Variants in INPP4B observed in about 807,000 individuals in gnomAD.
INPP4B encodes inositol polyphosphate-4-phosphatase type II B, also known as inositol polyphosphate 4-phosphatase type II.
Under a neutral mutation model 122.5 loss-of-function variants are expected in INPP4B, and 55 were observed. The observed-to-expected ratio is 0.45, with a 90% CI of 0.36 to 0.56. The LOEUF (loss-of-function observed/expected upper bound fraction) is 0.56. Among genes scored for constraint, INPP4B ranks in the 20% least tolerant of loss-of-function variants. The pLI is 0.00. For missense variants in INPP4B, 1,000 were observed against 1,097.7 expected, an observed-to-expected ratio of 0.91 and a Z score of 1.26; for synonymous variants, 403 against 388.7, an observed-to-expected ratio of 1.04 and a Z score of -0.43.
intron 25 of INPP4B, among the ~76,000 whole-genome samples, chr4:142,053,683 C>A (rs759637005): frequency 2.0e-5 from 3 of 152,008 alleles, no homozygotes; most frequent in Non-Finnish European, 4.4e-5. Context: ...TCCAAGAAAC[C>A]ATGAATGATA....
intron 9 of INPP4B, among the ~76,000 whole-genome samples, chr4:142,278,120 A>G (rs1749492448): frequency 6.6e-6 from 1 of 151,956 alleles, no homozygotes; most frequent in Non-Finnish European, 1.5e-5. Flanking sequence ...TGCAGGTAAC[A>G]TGGAGTATGC....
At chr4:142,214,951 G>A (rs1005927195) in intron 12 of INPP4B, among the ~76,000 whole-genome samples, 52 of 152,110 alleles carry the variant, frequency 3.4e-4, no homozygotes, top group African/African-American at 1.2e-3. Flanking sequence ...ATTTGTCATC[G>A]TACCACAATA....
intron 5 of INPP4B, among the ~76,000 whole-genome samples, chr4:142,415,161 G>T (rs773214515): frequency 2.6e-5 from 4 of 152,122 alleles, no homozygotes; most frequent in Non-Finnish European, 5.9e-5. Context: ...TCCAGTACAA[G>T]CATATGGCCC....
intron 3 of INPP4B, among the ~76,000 whole-genome samples, chr4:142,442,571 T>C (rs1242371697): frequency 2.0e-5 from 3 of 152,148 alleles, no homozygotes; most frequent in Non-Finnish European, 4.4e-5. Flanking sequence ...GGTACCAGTT[T>C]CCATTTAGGA....
intron 12 of INPP4B, among the ~76,000 whole-genome samples, chr4:142,220,296 A>C (rs763304358): frequency 6.6e-6 from 1 of 152,334 alleles, no homozygotes; most frequent in Non-Finnish European, 1.5e-5. Context: ...TGTAACTTTC[A>C]TATGGCTCAA....
intron 25 of INPP4B, among the ~76,000 whole-genome samples, chr4:142,043,243 A>G (rs1257043748): frequency 6.6e-6 from 1 of 152,188 alleles, no homozygotes. Flanking sequence ...GAAATGATGC[A>G]AATCATAGGA....
intron 25 of INPP4B, 78 bp downstream of exon 25, chr4:142,081,953 A>G (rs1195819570): frequency 9.7e-7 from 1 of 1,031,656 alleles, no homozygotes; most frequent in African/African-American, 1.6e-5. Context: ...CTCCAATAAA[A>G]TATGTATTTT....
At chr4:142,647,638 A>G (rs1050793471) in intron 2 of INPP4B, among the ~76,000 whole-genome samples, 4 of 152,158 alleles carry the variant, frequency 2.6e-5, no homozygotes, top group African/African-American at 7.2e-5. Flanking sequence ...ATACCTAGCT[A>G]GAGAGAGGGA....
chr4:142,665,480 C>T (rs76438343), intron 2 of INPP4B, among the ~76,000 whole-genome samples: 3,516 of 119,388 alleles, frequency 0.029, 50 homozygotes, highest in Middle Eastern at 0.14. Flanking sequence ...GGTGACAGAG[C>T]GAGACTCTGT....
At chr4:142,752,292 C>T (rs1171070704) in intron 1 of INPP4B, among the ~76,000 whole-genome samples, 3 of 152,046 alleles carry the variant, frequency 2.0e-5, no homozygotes, top group Admixed American at 6.6e-5. Context: ...GGATGTGGGC[C>T]TAGGAAATAA....
intron 5 of INPP4B, among the ~76,000 whole-genome samples, chr4:142,412,169 G>T (rs1008357120): frequency 6.6e-6 from 1 of 151,972 alleles, no homozygotes; most frequent in South Asian, 2.1e-4. Flanking sequence ...TAAATTATTG[G>T]ACTCCATTAT....
At chr4:142,463,630 C>T (rs1220497044) in intron 2 of INPP4B, among the ~76,000 whole-genome samples, 1 of 152,050 alleles carries the variant, frequency 6.6e-6, no homozygotes, top group East Asian at 1.9e-4. Context: ...AATTATGGTT[C>T]CCTTAATCCC....
At chr4:142,654,367 T>TAAAAAAAAA (rs10677341) in intron 2 of INPP4B, 415 of 100,252 alleles carry the variant, frequency 4.1e-3, no homozygotes, top group Middle Eastern at 6.7e-3. Context: ...ACTTAAAGTA[T>TAAAAAAAAA]AAAAAAAAAA....
chr4:142,623,986 G>T (rs562695612), intron 2 of INPP4B, among the ~76,000 whole-genome samples: 1 of 152,148 alleles, frequency 6.6e-6, no homozygotes, highest in South Asian at 2.1e-4. Context: ...CATTTGGGTT[G>T]GTTCCAAGTC....
intron 2 of INPP4B, among the ~76,000 whole-genome samples, chr4:142,694,402 A>G (rs904546643): frequency 2.0e-5 from 3 of 151,948 alleles, no homozygotes; most frequent in Non-Finnish European, 4.4e-5. Context: ...AAAAAAAGAA[A>G]AAAAAAACCC....
At chr4:142,293,150 T>A (rs1290584410) in intron 9 of INPP4B, among the ~76,000 whole-genome samples, 1 of 151,754 alleles carries the variant, frequency 6.6e-6, no homozygotes, top group Non-Finnish European at 1.5e-5. Flanking sequence ...GAGAGTCTAC[T>A]GCCTCAGCCT....
intron 2 of INPP4B, among the ~76,000 whole-genome samples, chr4:142,699,014 A>G (rs988955368): frequency 6.6e-6 from 1 of 152,134 alleles, no homozygotes; most frequent in Non-Finnish European, 1.5e-5. Context: ...CCCCACATGT[A>G]TTGATTCACT....
intron 7 of INPP4B, among the ~76,000 whole-genome samples, chr4:142,316,337 T>C (rs1767646465): frequency 6.6e-6 from 1 of 152,166 alleles, no homozygotes; most frequent in South Asian, 2.1e-4. Flanking sequence ...TACCATTCAG[T>C]CCATTATCTG....
Position 142,050,611 on chromosome 4 carries a change from CT to C in INPP4B, c.2643-21698del, listed in dbSNP as rs147379762. On this transcript the variant is annotated intron_variant, in intron 25 of 25. Transcript: ENST00000262992. ...AGTGGGGACTCAGACAATCCTAGGT[CT>C]GAATCGGGCTTATTCTCTTCCTACC... Among the ~76,000 whole-genome samples the C allele has an allele frequency of 2.8e-3, 433 of 152,070 alleles. 1 individual carries two copies. Among genetic ancestry groups the C allele is most frequent in the African/African-American group, 0.01 (417 of 41,516 alleles).
Sources: allele counts gnomAD v4.1 joint callset (sites outside exome capture counted in the v4.1 genomes callset), GRCh38; gene constraint gnomAD v4.1.1; transcripts MANE v1.5; gene names NCBI Gene and HGNC (gene_info 2026-07-23, HGNC 2026-07-21).